GNG7: variants seen among roughly 807,000 people sequenced by gnomAD.
The protein encoded by GNG7 is guanine nucleotide-binding protein G(I)/G(S)/G(O) subunit gamma-7.
Under a neutral mutation model 4.0 loss-of-function variants are expected in GNG7, and 1 was observed. The observed-to-expected ratio is 0.25, with a 90% CI of 0.09 to 1.18. The LOEUF (loss-of-function observed/expected upper bound fraction) is 1.18, where lower values mean the gene tolerates loss of function less well. GNG7 is among the 50% of genes most tolerant of loss of function. GNG7 has a pLI of 0.50. For missense variants in GNG7, 86 were observed against 91.9 expected (o/e 0.94, Z 0.26); for synonymous variants, 34 against 36.9 (o/e 0.92, Z 0.29).
intron 1 of GNG7, among the ~76,000 whole-genome samples, chr19:2,696,864 T>G (rs1392239127): frequency 6.6e-6 from 1 of 152,102 alleles, no homozygotes; most frequent in Non-Finnish European, 1.5e-5. Flanking sequence ...TGGAATGTTT[T>G]TTTGTTTGTT....
intron 2 of GNG7, among the ~76,000 whole-genome samples, chr19:2,613,029 G>A (rs1409830972): frequency 6.6e-6 from 1 of 152,126 alleles, no homozygotes; most frequent in Admixed American, 6.6e-5. Context: ...GGTAGCCTAG[G>A]AGGGCAAATG....
intron 1 of GNG7, chr19:2,683,524 C>T (rs1983794733): frequency 6.6e-6 from 1 of 152,234 alleles, no homozygotes; most frequent in Non-Finnish European, 1.5e-5. Flanking sequence ...AGCCAACAAA[C>T]AAAAACGATG....
At position 2,522,789 on chromosome 19, in the gene GNG7, G is replaced by T. The variant is rs1041514593; in HGVS notation, c.-37-2064C>A. Among the ~76,000 whole-genome samples, 41 of 146,122 alleles carry T rather than the reference G, an allele frequency of 2.8e-4. 1 individual carries two copies. The highest frequency in any genetic ancestry group is 4.8e-4 in the Non-Finnish European group (32 of 66,940). ...AAAAAAAAAAAAAAAAGAAGGAAAG[G>T]ACCATCCATGCATACCACACCGCAG... On this transcript the variant is annotated intron_variant, in intron 3 of 4. Transcript: ENST00000382159.
intron 2 of GNG7, among the ~76,000 whole-genome samples, chr19:2,628,377 G>A (rs1982071452): frequency 6.6e-6 from 1 of 152,106 alleles, no homozygotes; most frequent in African/African-American, 2.4e-5. Context: ...TGTTGGATGT[G>A]AGTGCTCTGA....
chr19:2,702,654 G>C lies in GNG7; in HGVS notation c.-143C>G, dbSNP rs1913436953. ...TTCGCGGGCGCCCTTACCTGCGCTC[G>C]GGCCCCGCGGCCGCCTCAGCCCCGC... is the stretch of plus-strand genomic sequence containing the variant. On this transcript the variant is annotated 5_prime_UTR_variant, in exon 1 of 5. Coordinates refer to ENST00000382159, the MANE Select transcript of GNG7 (RefSeq NM_052847.3). 6.6e-6 allele frequency: 1 copy of C among 151,162 alleles called. No homozygotes were observed. The highest frequency in any genetic ancestry group is 1.5e-5 in the Non-Finnish European group (1 of 67,560). 9.4% of individuals were successfully genotyped at this position (151,162 alleles called of 1,614,324 possible).
intron 2 of GNG7, among the ~76,000 whole-genome samples, chr19:2,556,244 G>C (rs1457877260): frequency 6.6e-6 from 1 of 152,250 alleles, no homozygotes; most frequent in Non-Finnish European, 1.5e-5. Context: ...GCCAGGAGCT[G>C]CACCACTGTC....
chr19:2,548,725 G>T (rs1324912701), intron 3 of GNG7, among the ~76,000 whole-genome samples: 1 of 152,052 alleles, frequency 6.6e-6, no homozygotes, highest in Non-Finnish European at 1.5e-5. Flanking sequence ...CGTGGCGGAG[G>T]TCGCAGTGAG....
chr19:2,532,163 A>AAAAC (rs1568233704), intron 3 of GNG7, among the ~76,000 whole-genome samples: 2 of 98,818 alleles, frequency 2.0e-5, no homozygotes, highest in South Asian at 2.9e-4. Flanking sequence ...AAAAAAAAAC[A>AAAAC]AAAAAAAAAA....
intron 1 of GNG7, among the ~76,000 whole-genome samples, chr19:2,688,710 G>A (rs1034853349): frequency 1.3e-5 from 2 of 152,048 alleles, no homozygotes; most frequent in East Asian, 3.8e-4. Flanking sequence ...GGGTCCTGGG[G>A]CAGGAAAGGA....
intron 2 of GNG7, among the ~76,000 whole-genome samples, chr19:2,601,307 C>T (rs1227661561): frequency 6.6e-6 from 1 of 152,144 alleles, no homozygotes; most frequent in Non-Finnish European, 1.5e-5. Context: ...TAGGTAAACC[C>T]TAGAGTAGGT....
chr19:2,607,483 C>A (rs1409646771), intron 2 of GNG7, among the ~76,000 whole-genome samples: 2 of 133,310 alleles, frequency 1.5e-5, no homozygotes, highest in Admixed American at 1.6e-4. Flanking sequence ...GAGCCGAGAT[C>A]GCACCATTGC....
chr19:2,540,380 G>A (rs1568236585), intron 3 of GNG7, among the ~76,000 whole-genome samples: 2 of 151,718 alleles, frequency 1.3e-5, no homozygotes, highest in African/African-American at 2.4e-5. Flanking sequence ...TTGATCTCCT[G>A]GCCTCCGGTG....
intron 2 of GNG7, among the ~76,000 whole-genome samples, chr19:2,638,741 TGGGGA>T (rs929776220): frequency 9.4e-5 from 7 of 74,222 alleles, no homozygotes; most frequent in Admixed American, 1.4e-4. Context: ...CAGCATCCCC[TGGGGA>T]GGGGAGGGGA....
intron 2 of GNG7, among the ~76,000 whole-genome samples, chr19:2,591,655 T>C (rs1351224413): frequency 2.0e-5 from 3 of 151,988 alleles, no homozygotes; most frequent in South Asian, 2.1e-4. Flanking sequence ...ACAAAGCCAG[T>C]AAAAAGGCAC....
intron 3 of GNG7, among the ~76,000 whole-genome samples, chr19:2,523,352 G>GACCA (rs1314381135): frequency 6.6e-6 from 1 of 151,742 alleles, no homozygotes; most frequent in African/African-American, 2.4e-5. Flanking sequence ...AGGAGTTTGA[G>GACCA]GCCAGCCTAG....
chr19:2,601,922 CAGGGG>C (rs925684937), intron 2 of GNG7, among the ~76,000 whole-genome samples: 3 of 151,316 alleles, frequency 2.0e-5, no homozygotes, highest in Non-Finnish European at 4.4e-5. Flanking sequence ...AAAGAGAAGA[CAGGGG>C]AGGGGAGGGG....
chr19:2,590,448 T>C (rs1980803999), intron 2 of GNG7, among the ~76,000 whole-genome samples: 1 of 151,776 alleles, frequency 6.6e-6, no homozygotes, highest in African/African-American at 2.4e-5. Context: ...CATCCACCCA[T>C]CCATTCACTC....
intron 2 of GNG7, among the ~76,000 whole-genome samples, chr19:2,594,108 C>G (rs749616509): frequency 6.6e-6 from 1 of 152,078 alleles, no homozygotes; most frequent in Non-Finnish European, 1.5e-5. Flanking sequence ...CAGTGGCTCA[C>G]GCCTGTAATC....
intron 2 of GNG7, among the ~76,000 whole-genome samples, chr19:2,608,862 C>T (rs538244764): frequency 1.3e-5 from 2 of 152,362 alleles, no homozygotes; most frequent in South Asian, 4.1e-4. Flanking sequence ...AGTGTGCCTT[C>T]TCCAAAGCCA....
Sources: gnomAD v4.1 joint callset for allele counts (sites outside exome capture counted in the v4.1 genomes callset) on GRCh38, gnomAD v4.1.1 for gene constraint, MANE v1.5 for transcripts, NCBI Gene and HGNC (gene_info 2026-07-23, HGNC 2026-07-21) for gene names.